CNTNAP4: variants seen among roughly 807,000 people sequenced by gnomAD.
CNTNAP4 encodes the protein contactin-associated protein-like 4.
Under a neutral mutation model 148.4 loss-of-function variants are expected in CNTNAP4, and 98 were observed. The ratio of observed to expected loss-of-function variants is 0.66; its 90% CI spans 0.56 to 0.78. The LOEUF (loss-of-function observed/expected upper bound fraction) is 0.78, where lower values mean the gene tolerates loss of function less well. Among genes scored for constraint, CNTNAP4 ranks in the 30% least tolerant of loss-of-function variants. CNTNAP4 has a pLI of 0.00. For synonymous variants in CNTNAP4, 730 were observed against 565.1 expected (o/e 1.29, Z -4.14); for missense variants, 1,935 against 1,565.6 (o/e 1.24, Z -3.98).
At chr16:76,476,259 G>T (rs995920539) in intron 11 of CNTNAP4, among the ~76,000 whole-genome samples, 1 of 152,196 alleles carries the variant, frequency 6.6e-6, no homozygotes, top group African/African-American at 2.4e-5. Context: ...AAGATGAAAG[G>T]TAGCTAAGGG....
At chr16:76,531,395 G>C (rs1597081633) in intron 17 of CNTNAP4, among the ~76,000 whole-genome samples, 2 of 152,122 alleles carry the variant, frequency 1.3e-5, no homozygotes, top group East Asian at 3.8e-4. Context: ...TCAGCACCCA[G>C]AGAAATTATT....
At chr16:76,462,868 T>C (rs960718360) in intron 9 of CNTNAP4, among the ~76,000 whole-genome samples, 29 of 152,250 alleles carry the variant, frequency 1.9e-4, no homozygotes, top group African/African-American at 6.8e-4. Flanking sequence ...GTCATCGTTA[T>C]GTTACATTTT....
Position 76,277,731 on chromosome 16 carries a change from C to T in CNTNAP4, c.69C>T (p.Val23=). 1 of 1,597,370 alleles carries T rather than the reference C, an allele frequency of 6.3e-7. No homozygotes were observed. The highest frequency in any genetic ancestry group is 1.1e-5 in the South Asian group (1 of 88,366). ...LLLSTQNWNR[V]EAGNSYDCDD... is the part of the protein sequence containing the mutation. ...TATCTACTCAAAATTGGAACAGAGT[C>T]GAAGCTGGGAATTCCTGTAAGTATA... Residue 23 remains valine (V), a synonymous_variant, in exon 1 of 24, where the codon GTC becomes GTT. Transcript: ENST00000611870.
At chr16:76,409,805 C>T (rs2078727973) in intron 3 of CNTNAP4, among the ~76,000 whole-genome samples, 1 of 151,808 alleles carries the variant, frequency 6.6e-6, no homozygotes, top group South Asian at 2.1e-4. Context: ...AGTGGGGTGA[C>T]TTGGATGTTA....
chr16:76,369,855 G>C (rs1426079982), intron 3 of CNTNAP4, among the ~76,000 whole-genome samples: 1 of 152,056 alleles, frequency 6.6e-6, no homozygotes, highest in Non-Finnish European at 1.5e-5. Context: ...GAGAGGGAGG[G>C]AGGGAGAGAG....
chr16:76,471,743 C>T (rs956006419), intron 10 of CNTNAP4, among the ~76,000 whole-genome samples: 6 of 152,106 alleles, frequency 3.9e-5, no homozygotes, highest in African/African-American at 7.2e-5. Flanking sequence ...GGTGTTATTC[C>T]GCCTCCTGTA....
chr16:76,530,790 C>T (rs779749724), intron 17 of CNTNAP4, among the ~76,000 whole-genome samples: 14 of 152,172 alleles, frequency 9.2e-5, no homozygotes, highest in East Asian at 1.9e-4. Flanking sequence ...AAGAACATTG[C>T]GTGACAAACT....
At chr16:76,463,531 T>C (rs1330620215) in intron 9 of CNTNAP4, among the ~76,000 whole-genome samples, 2 of 152,224 alleles carry the variant, frequency 1.3e-5, no homozygotes, top group Admixed American at 6.5e-5. Flanking sequence ...ATGATACATA[T>C]GATATACATC....
chr16:76,380,840 C>A (rs1215770187), intron 3 of CNTNAP4, among the ~76,000 whole-genome samples: 1 of 152,090 alleles, frequency 6.6e-6, no homozygotes, highest in African/African-American at 2.4e-5. Context: ...ATATAGGATG[C>A]CTCTTCCACA....
intron 3 of CNTNAP4, among the ~76,000 whole-genome samples, chr16:76,395,074 C>G (rs189805076): frequency 3.9e-5 from 6 of 152,156 alleles, no homozygotes; most frequent in Non-Finnish European, 5.9e-5. Context: ...CGGTTTACTT[C>G]TGATGGCAAA....
chr16:76,304,146 G>A (rs1450017816), intron 1 of CNTNAP4, among the ~76,000 whole-genome samples: 1 of 152,008 alleles, frequency 6.6e-6, no homozygotes, highest in Non-Finnish European at 1.5e-5. Context: ...TCCATGTTTT[G>A]TTTAGTATGT....
chr16:76,365,532 C>T (rs935362385), intron 3 of CNTNAP4, among the ~76,000 whole-genome samples: 6 of 152,100 alleles, frequency 3.9e-5, no homozygotes, highest in Non-Finnish European at 8.8e-5. Context: ...GGGTGGATCA[C>T]GTGAGATCAG....
At chr16:76,493,180 G>A (rs773913003) in intron 13 of CNTNAP4, among the ~76,000 whole-genome samples, 1 of 152,108 alleles carries the variant, frequency 6.6e-6, no homozygotes, top group African/African-American at 2.4e-5. Flanking sequence ...AAATATAATG[G>A]GGTAGAACAG....
intron 17 of CNTNAP4, among the ~76,000 whole-genome samples, chr16:76,525,837 CTA>C (rs979594088): frequency 8.2e-5 from 12 of 146,946 alleles, no homozygotes; most frequent in Admixed American, 2.1e-4. Flanking sequence ...TTATATATAA[CTA>C]TATATAATTA....
chr16:76,461,876 A>T (rs1176310411), intron 8 of CNTNAP4, 80 bp from the exon 9 acceptor site: 3 of 1,155,600 alleles, frequency 2.6e-6, no homozygotes, highest in Non-Finnish European at 3.8e-6. Context: ...CAATTGAGTG[A>T]TGTGTATATT....
In CNTNAP4 at chr16:76,508,936, A is replaced by G. The variant is rs528866504; in HGVS notation, c.2365+10242A>G. Among the ~76,000 whole-genome samples the G allele has an allele frequency of 3.2e-5, 3 of 94,778 alleles. 1 individual carries two copies. Among genetic ancestry groups the G allele is most frequent in the Admixed American group, 3.1e-4 (3 of 9,596 alleles). 62.2% of individuals were successfully genotyped at this position (94,778 alleles called of 152,430 possible). A position where few individuals can be genotyped will look rare whatever the true frequency, so the allele number is the denominator to read the frequency against. On this transcript the variant is annotated intron_variant, in intron 15 of 23. Transcript: ENST00000611870. The stretch of plus-strand genomic sequence containing the variant: ...CCTGGCTAATTTTTCTAATTTTAGT[A>G]GAGACGTGGTTTCACCATGTTAGCC...
chr16:76,375,726 G>T (rs901362936), intron 3 of CNTNAP4, among the ~76,000 whole-genome samples: 1 of 152,192 alleles, frequency 6.6e-6, no homozygotes, highest in Admixed American at 6.5e-5. Context: ...CTCATTTTCT[G>T]CAGGGAAGTT....
intron 3 of CNTNAP4, among the ~76,000 whole-genome samples, chr16:76,371,612 A>G (rs1333076516): frequency 1.3e-5 from 2 of 152,152 alleles, no homozygotes; most frequent in African/African-American, 4.8e-5. Context: ...CAAGGTTACA[A>G]CACACACTTG....
intron 4 of CNTNAP4, among the ~76,000 whole-genome samples, chr16:76,434,849 G>T (rs971879726): frequency 1.3e-5 from 2 of 152,060 alleles, no homozygotes; most frequent in Admixed American, 1.3e-4. Flanking sequence ...GTCTGGGGAC[G>T]CACTGGACCT....
Sources: allele counts gnomAD v4.1 joint callset (sites outside exome capture counted in the v4.1 genomes callset), GRCh38; gene constraint gnomAD v4.1.1; transcripts MANE v1.5; gene names NCBI Gene and HGNC (gene_info 2026-07-23, HGNC 2026-07-21).